The following CDH18 variants were observed in gnomAD, a reference collection of about 807,000 sequenced individuals.
CDH18 encodes cadherin-18.
Under a neutral mutation model 67.9 loss-of-function variants are expected in CDH18, and 31 were observed. That is an observed-to-expected ratio of 0.46 (90% confidence interval 0.34 to 0.62). The LOEUF (loss-of-function observed/expected upper bound fraction) is 0.62. CDH18 is among the 20% of genes least tolerant of loss of function. CDH18 has a pLI of 0.01. For synonymous variants in CDH18, 362 were observed against 347.2 expected, an observed-to-expected ratio of 1.04 and a Z score of -0.48; for missense variants, 890 against 975.5, an observed-to-expected ratio of 0.91 and a Z score of 1.17.
intron 2 of CDH18, among the ~76,000 whole-genome samples, chr5:20,036,134 C>T (rs1253805314): frequency 6.6e-6 from 1 of 151,846 alleles, no homozygotes; most frequent in African/African-American, 2.4e-5. Flanking sequence ...TAAAAAAGTA[C>T]AATAAAATAG....
At chr5:20,040,142 A>G (rs1314480687) in intron 2 of CDH18, among the ~76,000 whole-genome samples, 2 of 152,182 alleles carry the variant, frequency 1.3e-5, no homozygotes, top group Non-Finnish European at 2.9e-5. Context: ...AATCAAATCC[A>G]CAAAGAAATA....
At chr5:19,981,824 T>C (rs1283404607) in intron 1 of CDH18, among the ~76,000 whole-genome samples, 3 of 152,206 alleles carry the variant, frequency 2.0e-5, no homozygotes, top group Non-Finnish European at 4.4e-5. Flanking sequence ...ACATGGTTCA[T>C]ATCCACACTT....
Position 20,083,024 on chromosome 5 carries a change from C to T in CDH18, c.-517-91010G>A, listed in dbSNP as rs1162274887. On this transcript the variant is annotated intron_variant, in intron 2 of 14. Transcript: ENST00000507958. The stretch of plus-strand genomic sequence containing the variant: ...GTTATGGCAGTCTTGGAAACTAACA[C>T]GCTCCACATACCCTTTCCCAAGATG... 7.9e-5 allele frequency among the ~76,000 whole-genome samples: 12 copies of T among 152,294 alleles called. No homozygotes were observed. In the South Asian group the frequency reaches 1.0e-3, roughly 13 times the overall value.
chr5:20,385,764 C>T (rs1744265473), intron 1 of CDH18, among the ~76,000 whole-genome samples: 6 of 152,138 alleles, frequency 3.9e-5, no homozygotes, highest in Admixed American at 3.9e-4. Flanking sequence ...ATGAAATAGA[C>T]TGCTATATAA....
At chr5:20,036,353 T>A (rs112810711) in intron 2 of CDH18, among the ~76,000 whole-genome samples, 211 of 152,012 alleles carry the variant, frequency 1.4e-3, no homozygotes, top group African/African-American at 4.7e-3. Context: ...GTAAATTGCT[T>A]AGCATGTCAG....
intron 1 of CDH18, among the ~76,000 whole-genome samples, chr5:20,426,652 A>T (rs1407046417): frequency 6.6e-6 from 1 of 151,146 alleles, no homozygotes; most frequent in East Asian, 1.9e-4. Context: ...AGTCCTAGGC[A>T]CATTCATAGG....
chr5:19,523,005 A>T (rs1163367074), intron 9 of CDH18, among the ~76,000 whole-genome samples: 1 of 152,074 alleles, frequency 6.6e-6, no homozygotes, highest in Non-Finnish European at 1.5e-5. Flanking sequence ...CAGAAACACA[A>T]AACAGAACCC....
intron 2 of CDH18, among the ~76,000 whole-genome samples, chr5:19,927,704 T>A (rs548704551): frequency 2.0e-5 from 3 of 152,270 alleles, no homozygotes; most frequent in South Asian, 2.1e-4. Context: ...TGTATAAAAA[T>A]ATTTCATTTC....
In CDH18 at chr5:19,870,062, T is replaced by A. The variant is rs181871215; in HGVS notation, c.-256-30820A>T. Among the ~76,000 whole-genome samples, 1,044 of 152,242 alleles carry A rather than the reference T, an allele frequency of 6.9e-3. 9 individuals are homozygous for A. The highest frequency in any genetic ancestry group is 0.011 in the Non-Finnish European group (739 of 67,982). On this transcript the variant is annotated intron_variant, in intron 2 of 12. Coordinates refer to ENST00000382275, the MANE Select transcript of CDH18 (RefSeq NM_004934.5). ...TAGCTTTGCCATTTTATAAACCAAATGAACATATTATTACTAGCAGTACAA... is the reference window on the plus strand; with the variant it reads ...TAGCTTTGCCATTTTATAAACCAAAAGAACATATTATTACTAGCAGTACAA...
At chr5:19,703,756 T>C (rs1245968107) in intron 5 of CDH18, among the ~76,000 whole-genome samples, 1 of 131,298 alleles carries the variant, frequency 7.6e-6, no homozygotes, top group East Asian at 2.3e-4. Context: ...CAGGGAAATA[T>C]TATAGCTACA....
chr5:19,665,397 T>C (rs1165271307), intron 5 of CDH18, among the ~76,000 whole-genome samples: 1 of 152,034 alleles, frequency 6.6e-6, no homozygotes, highest in Non-Finnish European at 1.5e-5. Context: ...TATATCTACA[T>C]AGATACTCCA....
At chr5:19,551,139 G>C (rs987547064) in intron 8 of CDH18, among the ~76,000 whole-genome samples, 1 of 152,158 alleles carries the variant, frequency 6.6e-6, no homozygotes, top group Non-Finnish European at 1.5e-5. Flanking sequence ...TGGATTGTAA[G>C]AGCACAGACT....
intron 2 of CDH18, among the ~76,000 whole-genome samples, chr5:20,098,535 T>A (rs1450230931): frequency 6.6e-6 from 1 of 152,106 alleles, no homozygotes. Flanking sequence ...CTTCTATGTA[T>A]TCAACTTTTT....
rs373181292 is a variant in CDH18, at chr5:19,937,905, A to G, written c.-257+43155T>C. The stretch of plus-strand genomic sequence containing the variant: ...AAGGAAATTTTTTTTATTGAATTTC[A>G]CAAAGACAAGAATCACATTTCAAAT... On this transcript the variant is annotated intron_variant, in intron 2 of 12. Transcript: ENST00000382275. 6.3e-4 allele frequency among the ~76,000 whole-genome samples: 95 copies of G among 150,642 alleles called. No individual in the cohort carries two copies. In the South Asian group the frequency reaches 0.017, roughly 27 times the overall value.
At chr5:20,165,869 C>A (rs1736241856) in intron 2 of CDH18, among the ~76,000 whole-genome samples, 2 of 151,902 alleles carry the variant, frequency 1.3e-5, no homozygotes, top group South Asian at 2.1e-4. Context: ...TAAAATAATT[C>A]TATATATTAG....
At chr5:20,172,026 G>A (rs1356328364) in intron 2 of CDH18, among the ~76,000 whole-genome samples, 2 of 149,304 alleles carry the variant, frequency 1.3e-5, no homozygotes, top group East Asian at 2.0e-4. Flanking sequence ...AAGGTCAGTT[G>A]GTTTAGGTGT....
intron 1 of CDH18, among the ~76,000 whole-genome samples, chr5:20,322,396 A>T (rs1738119265): frequency 6.6e-6 from 1 of 152,160 alleles, no homozygotes; most frequent in Admixed American, 6.5e-5. Flanking sequence ...GTCATTGTAT[A>T]TAATTTAATT....
chr5:20,145,580 G>A (rs1274323374), intron 2 of CDH18, among the ~76,000 whole-genome samples: 1 of 152,114 alleles, frequency 6.6e-6, no homozygotes, highest in African/African-American at 2.4e-5. Flanking sequence ...TTAAAAAATA[G>A]CTTCACAGCA....
chr5:20,446,416 C>T (rs1750008625), intron 1 of CDH18, among the ~76,000 whole-genome samples: 1 of 151,968 alleles, frequency 6.6e-6, no homozygotes. Context: ...ACTCCGCAGG[C>T]CAAGGATGGG....
Sources: gnomAD v4.1 joint callset for allele counts (sites outside exome capture counted in the v4.1 genomes callset) on GRCh38, gnomAD v4.1.1 for gene constraint, MANE v1.5 for transcripts, NCBI Gene and HGNC (gene_info 2026-07-23, HGNC 2026-07-21) for gene names.